The following C1orf185 variants were observed in gnomAD, a reference collection of about 807,000 sequenced individuals.
C1orf185 encodes the protein chromosome 1 open reading frame 185.
A neutral mutation model predicts 16.1 loss-of-function variants in C1orf185; 13 were observed. That is an observed-to-expected ratio of 0.81 (90% CI 0.53 to 1.28). The LOEUF is 1.28. Ranked by LOEUF, C1orf185 falls within the 50% of genes most tolerant of loss-of-function variation. The pLI is 0.00. For missense variants in C1orf185, 220 were observed against 225.2 expected (o/e 0.98, Z 0.15); for synonymous variants, 80 against 76.9 (o/e 1.04, Z -0.21).
chr1:51,146,977 AT>A (rs1646404793), intron 4 of C1orf185, among the ~76,000 whole-genome samples: 1 of 152,134 alleles, frequency 6.6e-6, no homozygotes, highest in South Asian at 2.1e-4. Context: ...CAAATTAGTT[AT>A]AAAATCCTTT....
At chr1:51,138,927 G>T (rs1482383193) in intron 3 of C1orf185, among the ~76,000 whole-genome samples, 1 of 151,552 alleles carries the variant, frequency 6.6e-6, no homozygotes, top group Non-Finnish European at 1.5e-5. Context: ...ACCTCAAGTG[G>T]TCCGCCTGTT....
At chr1:51,104,682 G>A (rs1169295008) in intron 1 of C1orf185, among the ~76,000 whole-genome samples, 1 of 152,194 alleles carries the variant, frequency 6.6e-6, no homozygotes, top group East Asian at 1.9e-4. Flanking sequence ...GTGCTGTAGT[G>A]AGACAGAGAG....
At chr1:51,124,760 G>C (rs941654858) in intron 3 of C1orf185, among the ~76,000 whole-genome samples, 5 of 152,220 alleles carry the variant, frequency 3.3e-5, no homozygotes, top group African/African-American at 9.6e-5. Flanking sequence ...ACTGGTGATA[G>C]TGTCTTGTAT....
chr1:51,134,088 A>C (rs554571284), intron 3 of C1orf185, among the ~76,000 whole-genome samples: 2 of 152,280 alleles, frequency 1.3e-5, no homozygotes, highest in African/African-American at 4.8e-5. Flanking sequence ...TCAAAAAAAA[A>C]AGTAGAACAC....
intron 4 of C1orf185, 89 bp downstream of exon 4, chr1:51,145,849 A>C: frequency 4.1e-5 from 24 of 592,366 alleles, no homozygotes; most frequent in Non-Finnish European, 6.1e-5. Flanking sequence ...CCTAAATGTC[A>C]TCTAAATATC....
intron 1 of C1orf185, 39 bp downstream of exon 1, chr1:51,102,288 G>C: frequency 1.4e-6 from 1 of 708,020 alleles, no homozygotes; most frequent in Non-Finnish European, 2.6e-6. Context: ...CTTTTTGCCT[G>C]GGAAGAAGAG....
At chr1:51,125,040 G>C (rs1646230361) in intron 3 of C1orf185, among the ~76,000 whole-genome samples, 1 of 151,996 alleles carries the variant, frequency 6.6e-6, no homozygotes, top group African/African-American at 2.4e-5. Flanking sequence ...CATTGGAGGA[G>C]TAAAAATCTC....
chr1:51,147,048 A>T (rs1646405225), intron 4 of C1orf185, among the ~76,000 whole-genome samples: 4 of 152,296 alleles, frequency 2.6e-5, no homozygotes, highest in African/African-American at 9.6e-5. Context: ...AGTTTTAAAG[A>T]TTACTGTAGT....
intron 3 of C1orf185, among the ~76,000 whole-genome samples, chr1:51,123,892 G>A (rs983541666): frequency 6.6e-6 from 1 of 151,068 alleles, no homozygotes; most frequent in African/African-American, 2.4e-5. Flanking sequence ...AAGTTTTAAA[G>A]AACTTATATA....
At chr1:51,111,780 A>T (rs1646122433) in intron 1 of C1orf185, among the ~76,000 whole-genome samples, 1 of 152,268 alleles carries the variant, frequency 6.6e-6, no homozygotes, top group Admixed American at 6.5e-5. Flanking sequence ...TCAGCCTCCC[A>T]AAGTGCTGGG....
chr1:51,145,931 A>G (rs17106417), intron 4 of C1orf185, among the ~76,000 whole-genome samples, 171 bp downstream of exon 4: 6,508 of 152,198 alleles, frequency 0.043, 388 homozygotes, highest in African/African-American at 0.13. Context: ...TTTAGAAAAA[A>G]CAAAACTTGC....
At chr1:51,103,858 T>C (rs1646051288) in intron 1 of C1orf185, among the ~76,000 whole-genome samples, 1 of 152,222 alleles carries the variant, frequency 6.6e-6, no homozygotes, top group Non-Finnish European at 1.5e-5. Flanking sequence ...TTTCTTATAA[T>C]ATTATCTTAT....
At chr1:51,107,732 C>T (rs1646084296) in intron 1 of C1orf185, among the ~76,000 whole-genome samples, 1 of 152,164 alleles carries the variant, frequency 6.6e-6, no homozygotes, top group Non-Finnish European at 1.5e-5. Context: ...CCCAGAACTC[C>T]CCCTGATGTT....
chr1:51,113,992 T>C (rs559287713), intron 2 of C1orf185, among the ~76,000 whole-genome samples: 1 of 152,296 alleles, frequency 6.6e-6, no homozygotes, highest in East Asian at 1.9e-4. Context: ...AATGAACAGA[T>C]AAACTAGTCA....
chr1:51,150,864 G>A (rs149662653), downstream of C1orf185, among the ~76,000 whole-genome samples: 545 of 152,286 alleles, frequency 3.6e-3, 1 homozygote, highest in Non-Finnish European at 4.4e-3. Context: ...TGCACCAAGA[G>A]TGGGTTGCAT....
intron 3 of C1orf185, among the ~76,000 whole-genome samples, chr1:51,120,597 G>T (rs904620899): frequency 6.6e-6 from 1 of 152,182 alleles, no homozygotes; most frequent in Admixed American, 6.5e-5. Flanking sequence ...TCGAATGAAG[G>T]ACAGTTTGAA....
At chr1:51,151,493 CT>C (rs34686764), downstream of C1orf185, among the ~76,000 whole-genome samples, 2 of 151,578 alleles carry the variant, frequency 1.3e-5, no homozygotes, top group African/African-American at 2.4e-5. Flanking sequence ...AAAAGTAAAA[CT>C]TTTTTTTAAA....
chr1:51,122,268 C>CCAAAGTGGAA (rs1436108405), intron 3 of C1orf185, among the ~76,000 whole-genome samples: 2 of 152,134 alleles, frequency 1.3e-5, no homozygotes, highest in Non-Finnish European at 2.9e-5. Context: ...CATATTCAAC[C>CCAAAGTGGAA]TTATTAAATA....
At chr1:51,108,382 CA>C (rs1646089108) in intron 1 of C1orf185, among the ~76,000 whole-genome samples, 1 of 152,006 alleles carries the variant, frequency 6.6e-6, no homozygotes, top group Admixed American at 6.6e-5. Context: ...ATACTCAAAC[CA>C]GGGTTATTGG....
Sources: gnomAD v4.1 joint callset for allele counts (sites outside exome capture counted in the v4.1 genomes callset) on GRCh38, gnomAD v4.1.1 for gene constraint, MANE v1.5 for transcripts, NCBI Gene and HGNC (gene_info 2026-07-23, HGNC 2026-07-21) for gene names.